The following CDK18 variants were observed in gnomAD, a reference collection of about 807,000 sequenced individuals.
CDK18 encodes cyclin-dependent kinase 18.
Under a neutral mutation model 62.0 loss-of-function variants are expected in CDK18, and 52 were observed. That is an observed-to-expected ratio of 0.84 (90% CI 0.67 to 1.06). CDK18 has a LOEUF of 1.06. CDK18 is among the 50% of genes least tolerant of loss of function. The pLI is 0.00. For missense variants in CDK18, 604 were observed against 619.9 expected (o/e 0.97, Z 0.27); for synonymous variants, 237 against 247.0 (o/e 0.96, Z 0.38).
Position 205,530,354 on chromosome 1 carries a change from G to A in CDK18, c.1312+5G>A, listed in dbSNP as rs574621494. 6.2e-7 allele frequency: 1 copy of A among 1,611,726 alleles called. No individual in the cohort carries two copies. Among genetic ancestry groups the A allele is most frequent in the African/African-American group, 1.3e-5 (1 of 75,046 alleles). Reference sequence around the variant, plus strand: ...GTGTGCACCAGCTTGAAGACAGTGAGTACTGGGGGTCCGGGAGCAGGGCCA... The same window carrying A: ...GTGTGCACCAGCTTGAAGACAGTGAATACTGGGGGTCCGGGAGCAGGGCCA... On this transcript the variant is annotated splice_donor_5th_base_variant and intron_variant, in intron 14 of 15. Transcript: ENST00000429964.
intron 1 of CDK18, among the ~76,000 whole-genome samples, chr1:205,518,516 G>A (rs74141236): frequency 0.041 from 6,217 of 152,278 alleles, 312 homozygotes; most frequent in African/African-American, 0.11. Flanking sequence ...AGTCAAGCCT[G>A]GGCCACAGGG....
chr1:205,516,555 A>C lies in CDK18; in HGVS notation c.-21-6592A>C, dbSNP rs1486314673. Among the ~76,000 whole-genome samples, 2 of 152,200 alleles carry C rather than the reference A, an allele frequency of 1.3e-5. No individual in the cohort carries two copies. The highest frequency in any genetic ancestry group is 2.9e-5 in the Non-Finnish European group (2 of 68,032). On this transcript the variant is annotated intron_variant, in intron 1 of 15. Transcript: ENST00000429964. This position sits in a 1 kb window ranked among gnomAD's most constrained non-coding sequence, Gnocchi z 4.8. ...GCCTGGAACACAGCAGGTGCTCCAC[A>C]TGTGCCTGTAAAGCAGACACATGCC...
intron 5 of CDK18, among the ~76,000 whole-genome samples, chr1:205,525,466 G>A (rs982615416): frequency 6.6e-6 from 1 of 151,994 alleles, no homozygotes; most frequent in African/African-American, 2.4e-5. Context: ...AGTCCTTCTT[G>A]CCTGGGTTCA....
chr1:205,505,102 AGGGAGTCTCCATCT>A (rs1432513478), intron 1 of CDK18, among the ~76,000 whole-genome samples: 1 of 152,092 alleles, frequency 6.6e-6, no homozygotes, highest in African/African-American at 2.4e-5. Context: ...GCGCCCCCTT[AGGGAGTCTCCATCT>A]GGGATCACTT....
chr1:205,531,314 C>T (rs1365690961), intron 15 of CDK18, 30 bp from the exon 16 acceptor site: 2 of 1,613,248 alleles, frequency 1.2e-6, no homozygotes, highest in Admixed American at 1.7e-5. Flanking sequence ...AGCCTCCTCC[C>T]TGCAGCCCCA....
chr1:205,513,371 A>G (rs1384951524), intron 1 of CDK18, among the ~76,000 whole-genome samples: 1 of 152,238 alleles, frequency 6.6e-6, no homozygotes, highest in Admixed American at 6.5e-5. Context: ...CTGTACGCCC[A>G]GGACCAGAAC....
chr1:205,513,774 G>A lies in CDK18; in HGVS notation c.-22+8978G>A, dbSNP rs1667682849. The stretch of plus-strand genomic sequence containing the variant: ...CCCTGGAGGCCCTAGCTCAATGCAT[G>A]TTGCAGGAGGAACTTCTCATTCGGG... On this transcript the variant is annotated intron_variant, in intron 1 of 15. Transcript: ENST00000429964. Among the ~76,000 whole-genome samples the A allele has an allele frequency of 2.6e-5, 4 of 152,348 alleles. No individual in the cohort carries two copies. In the South Asian group the frequency reaches 8.3e-4, roughly 32 times the overall value.
At chr1:205,519,800 C>G (rs1290633583) in intron 1 of CDK18, among the ~76,000 whole-genome samples, 1 of 152,114 alleles carries the variant, frequency 6.6e-6, no homozygotes, top group Non-Finnish European at 1.5e-5. Flanking sequence ...TGGGGGGCCT[C>G]CTTCCCGGAG....
chr1:205,513,486 A>G (rs1240634982), intron 1 of CDK18, among the ~76,000 whole-genome samples: 2 of 152,252 alleles, frequency 1.3e-5, no homozygotes, highest in African/African-American at 4.8e-5. Context: ...CAAAAGGAAA[A>G]TACCAGAAGA....
At chr1:205,529,590 G>A (rs1166041484) in intron 13 of CDK18, 27 bp downstream of exon 13, 3 of 1,613,496 alleles carry the variant, frequency 1.9e-6, no homozygotes, top group Non-Finnish European at 2.5e-6. Context: ...CGGGGCCCAG[G>A]GAGAGGCAGC....
rs1163612816 is a variant in CDK18 at position 205,516,625 on chromosome 1, G to A, written c.-21-6522G>A. On this transcript the variant is annotated intron_variant, in intron 1 of 15. Transcript: ENST00000429964. This position sits in a 1 kb window ranked among gnomAD's most constrained non-coding sequence, Gnocchi z 4.8. Reference sequence around the variant, plus strand: ...CAGGCATAGAGACCAACGTGCTCCAGATGAGGGAGACAGGTGAAAAGTCAC... The same window carrying A: ...CAGGCATAGAGACCAACGTGCTCCAAATGAGGGAGACAGGTGAAAAGTCAC... Among the ~76,000 whole-genome samples, 1 of 152,218 alleles carries A rather than the reference G, an allele frequency of 6.6e-6. No individual in the cohort carries two copies. The highest frequency in any genetic ancestry group is 1.9e-4 in the East Asian group (1 of 5,188).
In CDK18 at chr1:205,528,113, A is replaced by T; in HGVS notation, c.919A>T (p.Arg307Trp). The change falls in exon 10 of 16, where the codon AGG becomes TGG. Residue 307 changes from arginine (R) to tryptophan (W), a missense_variant. By Grantham distance (101) the Arg-to-Trp change is moderately radical. Transcript: ENST00000429964. The surrounding 1 kb of genome is among the most constrained non-coding windows in gnomAD (Gnocchi z 4.2). ...CAATGAGGTGGTGACCCTGTGGTAC[A>T]GGCCCCCCGATGTGCTGCTGGGATC... Reference protein sequence around the residue: ...YSNEVVTLWYRPPDVLLGSTE... With the variant: ...YSNEVVTLWYWPPDVLLGSTE... 1 of 1,614,118 alleles carries T rather than the reference A, an allele frequency of 6.2e-7. No individual in the cohort carries two copies. Among genetic ancestry groups the T allele is most frequent in the Non-Finnish European group, 8.5e-7 (1 of 1,180,002 alleles).
At chr1:205,514,640 A>AT (rs1455593671) in intron 1 of CDK18, among the ~76,000 whole-genome samples, 3 of 152,186 alleles carry the variant, frequency 2.0e-5, no homozygotes, top group African/African-American at 7.2e-5. Context: ...TAATGTTTCC[A>AT]TATCTGTAGA....
chr1:205,526,686 CA>C (rs1668449261), intron 7 of CDK18, 88 bp from the exon 8 acceptor site: 1 of 1,320,142 alleles, frequency 7.6e-7, no homozygotes, highest in African/African-American at 1.4e-5. Context: ...GGGCCCTTCC[CA>C]GGGAGGGGCT....
chr1:205,521,640 C>T (rs992590074), intron 1 of CDK18, among the ~76,000 whole-genome samples: 2 of 152,256 alleles, frequency 1.3e-5, no homozygotes, highest in Non-Finnish European at 2.9e-5. Context: ...TGAAGGAGAG[C>T]TTGTTCATAC....
intron 7 of CDK18, 52 bp from the exon 8 acceptor site, chr1:205,526,723 T>A (rs767036197): frequency 3.3e-6 from 5 of 1,533,436 alleles, no homozygotes; most frequent in Non-Finnish European, 4.5e-6. Context: ...GTGTCTGGGC[T>A]TCTGGCCAGG....
intron 1 of CDK18, among the ~76,000 whole-genome samples, chr1:205,507,515 C>G (rs564593250): frequency 6.6e-6 from 1 of 150,716 alleles, no homozygotes; most frequent in African/African-American, 2.4e-5. Flanking sequence ...TGGCAGGTGC[C>G]TGTAGCTACT....
rs770249304 is a variant in CDK18 at position 205,526,451 on chromosome 1, T to C, written c.656T>C (p.Phe219Ser). Residue 219 changes from phenylalanine to serine, a missense_variant, in exon 7 of 16, where the codon TTT (phenylalanine) becomes TCT (serine). Phe to Ser is a radical substitution (Grantham distance 155, BLOSUM62 -2). Transcript: ENST00000429964. The part of the protein sequence containing the change: ...IHTDRSLTLV[F>S]EYLDSDLKQY... ...ACAGATCGGTCCCTCACCCTGGTGT[T>C]TGAGTACCTGGTGAGAGTCCGGCTG... The C allele has an allele frequency of 2.5e-6, 4 of 1,613,022 alleles. No homozygotes were observed. The highest frequency in any genetic ancestry group is 3.4e-6 in the Non-Finnish European group (4 of 1,179,038).
chr1:205,521,268 A>G (rs1183622357), intron 1 of CDK18, among the ~76,000 whole-genome samples: 1 of 152,122 alleles, frequency 6.6e-6, no homozygotes, highest in East Asian at 1.9e-4. Context: ...CAGGAGTGCA[A>G]TGGCGCAATC....
Sources: gnomAD v4.1 joint callset for allele counts (sites outside exome capture counted in the v4.1 genomes callset) on GRCh38, gnomAD v4.1.1 for gene constraint, Gnocchi (gnomAD v3.1) non-coding constraint, MANE v1.5 for transcripts, NCBI Gene and HGNC (gene_info 2026-07-23, HGNC 2026-07-21) for gene names.